Variants in SLC44A5 observed in about 807,000 individuals in gnomAD.
The protein encoded by SLC44A5 is choline transporter-like protein 5.
A neutral mutation model predicts 101.8 loss-of-function variants in SLC44A5; 57 were observed. The observed-to-expected ratio is 0.56, with a 90% CI of 0.45 to 0.70. SLC44A5 has a LOEUF of 0.70. Among genes scored for constraint, SLC44A5 ranks in the 30% least tolerant of loss-of-function variants. The probability of loss-of-function intolerance (pLI) is 0.00; values close to 1 mark genes in which losing one functional copy is unlikely to be tolerated. For missense variants in SLC44A5, 737 were observed against 853.1 expected (o/e 0.86, Z 1.70); for synonymous variants, 281 against 290.9 (o/e 0.97, Z 0.35).
rs200516151 is a variant in SLC44A5 at position 75,296,366 on chromosome 1, C to T, written c.175+4246G>A. The stretch of plus-strand genomic sequence containing the variant: ...TCCACCCTCTAGCCAGTTTTTTTTT[C>T]TTTTTTTTTTTTTTTAATATTCCCT... On this transcript the variant is annotated intron_variant, in intron 5 of 23. Coordinates refer to ENST00000370859, the MANE Select transcript of SLC44A5 (RefSeq NM_001130058.2). 2.2e-3 allele frequency among the ~76,000 whole-genome samples: 325 copies of T among 144,566 alleles called. 2 individuals are homozygous for T. Among genetic ancestry groups the T allele is most frequent in the African/African-American group, 7.1e-3 (279 of 39,142 alleles). 94.8% of individuals were successfully genotyped at this position (144,566 alleles called of 152,430 possible). A position where few individuals can be genotyped will look rare whatever the true frequency, so the allele number is the denominator to read the frequency against.
At chr1:75,231,649 GTACTT>G (rs1447034772) in intron 12 of SLC44A5, among the ~76,000 whole-genome samples, 1 of 152,054 alleles carries the variant, frequency 6.6e-6, no homozygotes, top group African/African-American at 2.4e-5. Context: ...CAAAATCTAA[GTACTT>G]TATAAGCATT....
At chr1:75,358,905 C>A (rs1396792795) in intron 3 of SLC44A5, among the ~76,000 whole-genome samples, 3 of 152,050 alleles carry the variant, frequency 2.0e-5, no homozygotes, top group Non-Finnish European at 4.4e-5. Context: ...GACTTAGTCA[C>A]CCTGCTGTGC....
At chr1:75,468,751 T>C (rs1236492435) in intron 2 of SLC44A5, among the ~76,000 whole-genome samples, 1 of 152,186 alleles carries the variant, frequency 6.6e-6, no homozygotes, top group Non-Finnish European at 1.5e-5. Flanking sequence ...TTAGACTTAG[T>C]ATTTGACAGC....
the SLC44A5 span, among the ~76,000 whole-genome samples, chr1:75,644,418 G>T: frequency 6.6e-6 from 1 of 151,910 alleles, no homozygotes; most frequent in Non-Finnish European, 1.5e-5. Flanking sequence ...CAGTGCCTTT[G>T]TCATACTATT....
chr1:75,566,940 G>A (rs1672813272), intron 1 of SLC44A5, among the ~76,000 whole-genome samples: 1 of 152,220 alleles, frequency 6.6e-6, no homozygotes, highest in Admixed American at 6.5e-5. Context: ...AGAACTGTAA[G>A]TGGAAAATCT....
rs6143284 is a variant in SLC44A5 at position 75,579,826 on chromosome 1, T to TAC, written c.-70+31212_-70+31213dup. Among the ~76,000 whole-genome samples the TAC allele has an allele frequency of 3.9e-3, 581 of 150,060 alleles. 2 individuals carry two copies. The highest frequency in any genetic ancestry group is 0.013 in the African/African-American group (527 of 40,988). On this transcript the variant is annotated intron_variant, in intron 1 of 23. Transcript: ENST00000370859. ...TTGGAGAAGACAAAATTCAACTATC[T>TAC]ACACACACACACACACAAACTAGTC...
the SLC44A5 span, among the ~76,000 whole-genome samples, chr1:75,644,436 T>G: frequency 6.6e-6 from 1 of 152,044 alleles, no homozygotes; most frequent in African/African-American, 2.4e-5. Context: ...ATTGAATGAC[T>G]TTTTAACAAA....
At chr1:75,662,939 G>T in the SLC44A5 span, among the ~76,000 whole-genome samples, 2 of 152,038 alleles carry the variant, frequency 1.3e-5, no homozygotes, top group Non-Finnish European at 2.9e-5. Context: ...AAGATCCCAA[G>T]TTGAAAGTTA....
At chr1:75,363,843 T>C (rs1659672832) in intron 3 of SLC44A5, among the ~76,000 whole-genome samples, 1 of 152,192 alleles carries the variant, frequency 6.6e-6, no homozygotes, top group Admixed American at 6.6e-5. Flanking sequence ...TAGAAATTCC[T>C]ATTAAGAAGG....
At chr1:75,663,300 C>T in the SLC44A5 span, among the ~76,000 whole-genome samples, 1 of 152,054 alleles carries the variant, frequency 6.6e-6, no homozygotes, top group African/African-American at 2.4e-5. Flanking sequence ...TGAAAGGGAC[C>T]TCAGCATTCT....
intron 2 of SLC44A5, among the ~76,000 whole-genome samples, chr1:75,477,000 C>T (rs1570394822): frequency 6.6e-6 from 1 of 152,178 alleles, no homozygotes; most frequent in Non-Finnish European, 1.5e-5. Flanking sequence ...TGGGAGGCAC[C>T]CCCCAGCAGG....
At chr1:75,721,812 C>G in the SLC44A5 span, among the ~76,000 whole-genome samples, 1 of 152,100 alleles carries the variant, frequency 6.6e-6, no homozygotes, top group Non-Finnish European at 1.5e-5. Context: ...AGATTAAAAG[C>G]TTTAGATTAA....
chr1:75,674,101 T>G, the SLC44A5 span, among the ~76,000 whole-genome samples: 29 of 152,006 alleles, frequency 1.9e-4, 1 homozygote, highest in South Asian at 4.4e-3. Context: ...GAGAGAGAGA[T>G]ATATGACCTT....
chr1:75,686,826 G>T, the SLC44A5 span, among the ~76,000 whole-genome samples: 1 of 152,152 alleles, frequency 6.6e-6, no homozygotes, highest in Non-Finnish European at 1.5e-5. Flanking sequence ...GATATATTTG[G>T]ATAGTACAGT....
chr1:75,409,609 G>T (rs1663144357), intron 2 of SLC44A5, among the ~76,000 whole-genome samples: 1 of 151,902 alleles, frequency 6.6e-6, no homozygotes. Context: ...TTGAATAAAT[G>T]AAAATAATAC....
chr1:75,376,607 G>T (rs1208703982), intron 3 of SLC44A5, among the ~76,000 whole-genome samples: 1 of 152,002 alleles, frequency 6.6e-6, no homozygotes, highest in Non-Finnish European at 1.5e-5. Flanking sequence ...CAACAGACCT[G>T]CAGCTGAGGG....
At chr1:75,543,291 A>C (rs1295028074) in intron 1 of SLC44A5, among the ~76,000 whole-genome samples, 2 of 152,066 alleles carry the variant, frequency 1.3e-5, no homozygotes, top group African/African-American at 2.4e-5. Context: ...CCTAGCTCTT[A>C]TGTCAACTAC....
chr1:75,351,868 A>AAAGAGAGAG (rs1553165361), intron 3 of SLC44A5, among the ~76,000 whole-genome samples: 1 of 58,468 alleles, frequency 1.7e-5, no homozygotes, highest in African/African-American at 6.0e-5. Context: ...AAAAAAAAAA[A>AAAGAGAGAG]AGAGAGAGAG....
chr1:75,399,920 T>C (rs565680549), intron 2 of SLC44A5, among the ~76,000 whole-genome samples: 1 of 152,320 alleles, frequency 6.6e-6, no homozygotes, highest in South Asian at 2.1e-4. Flanking sequence ...ACCAAAGTTA[T>C]TGAATCAACC....
Sources: allele counts gnomAD v4.1 joint callset (sites outside exome capture counted in the v4.1 genomes callset), GRCh38; gene constraint gnomAD v4.1.1; transcripts MANE v1.5; gene names NCBI Gene and HGNC (gene_info 2026-07-23, HGNC 2026-07-21).